The following INTS1 variants were observed in gnomAD, a reference collection of about 807,000 sequenced individuals.
INTS1 encodes integrator complex subunit 1.
Under a neutral mutation model 241.6 loss-of-function variants are expected in INTS1, and 137 were observed. The observed-to-expected ratio is 0.57, with a 90% CI of 0.49 to 0.65. The LOEUF (loss-of-function observed/expected upper bound fraction) is 0.65, where lower values mean the gene tolerates loss of function less well. INTS1 is among the 30% of genes least tolerant of loss of function. INTS1 has a pLI of 0.00. For missense variants in INTS1, 3,073 were observed against 3,032.2 expected, an observed-to-expected ratio of 1.01 and a Z score of -0.32; for synonymous variants, 1,692 against 1,337.8, an observed-to-expected ratio of 1.26 and a Z score of -5.78.
chr7:1,483,078 C>CA (rs1782072735), intron 26 of INTS1: 1 of 243,028 alleles, frequency 4.1e-6, no homozygotes, highest in African/African-American at 2.3e-5. Context: ...CACACAGGGC[C>CA]AGCTTCTCCG....
At position 1,500,249 on chromosome 7, in the gene INTS1, G is replaced by A; in HGVS notation, c.467C>T (p.Pro156Leu). The stretch of plus-strand genomic sequence containing the variant: ...GAGGCTCAGGTAGAGGGTGCTGTCA[G>A]GCTTGGCGCGGGTGACCTTCAGCTG... ...VKQLKVTRAKPDSTLYLSLMY... is the reference protein window; with the variant it reads ...VKQLKVTRAKLDSTLYLSLMY... The change falls in exon 4 of 48, where the codon CCT becomes CTT. Residue 156 changes from proline to leucine, a missense_variant. Coordinates refer to ENST00000404767, the MANE Select transcript of INTS1 (RefSeq NM_001080453.3). 6.2e-7 allele frequency: 1 copy of A among 1,604,540 alleles called. No individual in the cohort carries two copies. The highest frequency in any genetic ancestry group is 8.5e-7 in the Non-Finnish European group (1 of 1,175,268).
rs1782695319 is a variant in INTS1 at position 1,493,593 on chromosome 7, G to GA, written c.2068+160_2068+161insT. The stretch of plus-strand genomic sequence containing the variant: ...CACGCACGCTTCTGAATTCCCAACG[G>GA]CAGATGTGGAGAAGGCAGGTCCCCG... On this transcript the variant is annotated intron_variant, in intron 15 of 47. Coordinates refer to ENST00000404767, the MANE Select transcript of INTS1 (RefSeq NM_001080453.3). The surrounding 1 kb of genome is among the most constrained non-coding windows in gnomAD (Gnocchi z 5.3). Among the ~76,000 whole-genome samples the GA allele has an allele frequency of 7.1e-6, 1 of 141,208 alleles. No individual in the cohort carries two copies. The highest frequency in any genetic ancestry group is 2.4e-4 in the South Asian group (1 of 4,240). The allele number at this position is 141,208 out of a possible 152,430, so 92.6% of individuals were successfully genotyped here.
intron 26 of INTS1, chr7:1,483,003 T>A: frequency 2.6e-6 from 1 of 389,208 alleles, no homozygotes; most frequent in Non-Finnish European, 4.7e-6. Flanking sequence ...TTTGCTTGGC[T>A]GGACCAGGTC....
chr7:1,498,889 A>G (rs2128544150), intron 8 of INTS1, 37 bp from the exon 9 acceptor site: 1 of 1,563,450 alleles, frequency 6.4e-7, no homozygotes, highest in East Asian at 2.4e-5. Flanking sequence ...GCTCACGGCC[A>G]CCCCGGCAGG....
rs771965212 is a variant in INTS1, at chr7:1,478,426, C to T, written c.4570G>A (p.Val1524Ile). 7.0e-5 allele frequency: 113 copies of T among 1,612,512 alleles called. No homozygotes were observed. Among genetic ancestry groups the T allele is most frequent in the Non-Finnish European group, 9.1e-5 (107 of 1,179,812 alleles). ...TCCCCAGACCTCAGGGTGGCGATGA[C>T]GGCACGGACGGTGGAGCTGACCACC... is the stretch of plus-strand genomic sequence containing the variant. ...LEVVSSTVRA[V>I]IATLRSGEQC... is the part of the protein sequence containing the mutation. Residue 1524 changes from valine to isoleucine, a missense_variant, in exon 33 of 48, where the codon GTC (valine) becomes ATC (isoleucine). Val to Ile is a conservative substitution (Grantham distance 29). Coordinates refer to ENST00000404767, the MANE Select transcript of INTS1 (RefSeq NM_001080453.3).
chr7:1,489,242 G>A, intron 18 of INTS1, 102 bp downstream of exon 18: 1 of 242,012 alleles, frequency 4.1e-6, no homozygotes. Context: ...CTAAGATGCT[G>A]ATGCAGCACG....
chr7:1,486,707 T>C lies in INTS1; in HGVS notation c.2894A>G (p.Glu965Gly). ...GTCCAGCACCTCACACGTGGTCTGC[T>C]CATCAGCCTTCGGGCCCAGTAGCAG... ...QDLLLGPKAD[E>G]QTTCEVLDYF... The change falls in exon 22 of 48, where the codon GAG becomes GGG. Residue 965 changes from glutamate (E) to glycine (G), a missense_variant. Physicochemically the swap from Glu to Gly is moderately conservative, Grantham distance 98. Coordinates refer to ENST00000404767, the MANE Select transcript of INTS1 (RefSeq NM_001080453.3). The C allele has an allele frequency of 6.2e-7, 1 of 1,612,688 alleles. No individual in the cohort carries two copies. Among genetic ancestry groups the C allele is most frequent in the South Asian group, 1.1e-5 (1 of 91,072 alleles).
At chr7:1,473,316 G>T in intron 42 of INTS1, 132 bp from the exon 43 acceptor site, 1 of 705,802 alleles carries the variant, frequency 1.4e-6, no homozygotes. Flanking sequence ...CTCAGAGGGA[G>T]GGCCGGGCGG....
In INTS1 at chr7:1,493,917, G is replaced by C. The variant is rs771444731; in HGVS notation, c.1911-6C>G. ...AGCACAGACGCAGGAAGAAGCTGCG[G>C]GGTGGGGGAGGCATGACTCGGTGTG... On this transcript the variant is annotated splice_polypyrimidine_tract_variant and splice_region_variant and intron_variant, in intron 14 of 47. Coordinates refer to ENST00000404767, the MANE Select transcript of INTS1 (RefSeq NM_001080453.3). The surrounding 1 kb of genome is among the most constrained non-coding windows in gnomAD (Gnocchi z 5.3). 3 of 1,556,128 alleles carry C rather than the reference G, an allele frequency of 1.9e-6. No individual in the cohort carries two copies. Among genetic ancestry groups the C allele is most frequent in the African/African-American group, 2.7e-5 (2 of 73,468 alleles).
intron 43 of INTS1, 33 bp from the exon 44 acceptor site, chr7:1,472,419 G>C: frequency 6.9e-7 from 1 of 1,447,954 alleles, no homozygotes; most frequent in Non-Finnish European, 9.3e-7. Context: ...CAGGAGGGCG[G>C]GAGCGGCAGG....
Position 1,498,820 on chromosome 7 carries a change from G to C in INTS1, c.1170C>G (p.Ser390=). The C allele has an allele frequency of 6.2e-7, 1 of 1,606,030 alleles. No homozygotes were observed. The highest frequency in any genetic ancestry group is 8.5e-7 in the Non-Finnish European group (1 of 1,176,794). ...CGTGCGTGTTGCAGTTCATGCAGAC[G>C]GACATCAGCAGGTCCTGGGCCGGCC... ...LTRPAQDLLM[S]VCMNCNTHGS... is the part of the protein sequence containing the mutation. Residue 390 remains serine, a synonymous_variant, in exon 9 of 48, where the codon TCC becomes TCG. Coordinates refer to ENST00000404767, the MANE Select transcript of INTS1 (RefSeq NM_001080453.3).
At chr7:1,472,612 G>A (rs1023304373) in intron 43 of INTS1, among the ~76,000 whole-genome samples, 5 of 152,194 alleles carry the variant, frequency 3.3e-5, no homozygotes, top group Non-Finnish European at 7.4e-5. Flanking sequence ...CTCGCAATGT[G>A]GGCCAGGACC....
intron 36 of INTS1, 53 bp downstream of exon 36, chr7:1,476,741 C>G: frequency 1.2e-6 from 2 of 1,612,204 alleles, no homozygotes; most frequent in Admixed American, 1.7e-5. Context: ...TGGGAGATTT[C>G]TGGTGAAGGC....
chr7:1,491,125 G>A (rs183823584), intron 16 of INTS1, among the ~76,000 whole-genome samples: 3 of 152,352 alleles, frequency 2.0e-5, no homozygotes, highest in African/African-American at 7.2e-5. Flanking sequence ...TAACATTCCC[G>A]GGAGAAAACG....
chr7:1,500,067 A>C, intron 4 of INTS1, 46 bp from the exon 5 acceptor site: 1 of 1,591,478 alleles, frequency 6.3e-7, no homozygotes, highest in Non-Finnish European at 8.6e-7. Context: ...CTGGCCCCAG[A>C]GGCAAAGCTG....
chr7:1,485,354 C>G lies in INTS1; in HGVS notation c.3092G>C (p.Arg1031Pro). The change falls in exon 23 of 48, where the codon CGG (arginine) becomes CCG (proline). Residue 1031 changes from arginine to proline, a missense_variant. Transcript: ENST00000404767. Reference protein sequence around the residue: ...DVLQGYQWLLRDLPRLPLFDS... With the variant: ...DVLQGYQWLLPDLPRLPLFDS... ...GAACAGAGGCAGGCGAGGCAGGTCCCGCAGCAGCCACTGATAGCCCTGCAG... is the reference window on the plus strand; with the variant it reads ...GAACAGAGGCAGGCGAGGCAGGTCCGGCAGCAGCCACTGATAGCCCTGCAG... 6.2e-7 allele frequency: 1 copy of G among 1,611,984 alleles called. No individual in the cohort carries two copies. Among genetic ancestry groups the G allele is most frequent in the Non-Finnish European group, 8.5e-7 (1 of 1,179,772 alleles).
Position 1,485,271 on chromosome 7 carries a change from C to A in INTS1, c.3156+19G>T. 6.3e-7 allele frequency: 1 copy of A among 1,599,846 alleles called. No individual in the cohort carries two copies. The highest frequency in any genetic ancestry group is 1.1e-5 in the South Asian group (1 of 90,684). On this transcript the variant is annotated intron_variant, in intron 23 of 47. Transcript: ENST00000404767. ...GCCCTCTCATCTTTCCCTGCCGCGG[C>A]CCCGGTCAGCGCCCTCACCTGCTGC...
intron 23 of INTS1, 30 bp from the exon 24 acceptor site, chr7:1,485,232 A>T (rs775085617): frequency 3.8e-6 from 6 of 1,598,244 alleles, no homozygotes; most frequent in Non-Finnish European, 5.1e-6. Flanking sequence ...GAGCGGCAAC[A>T]GGGCAGGGCT....
chr7:1,473,228 G>A (rs760670137), intron 42 of INTS1, 44 bp from the exon 43 acceptor site: 4 of 1,436,406 alleles, frequency 2.8e-6, no homozygotes, highest in South Asian at 2.4e-5. Flanking sequence ...GACGCTGGCA[G>A]GAGGAAGGCT....
Sources: allele counts gnomAD v4.1 joint callset (sites outside exome capture counted in the v4.1 genomes callset), GRCh38; gene constraint gnomAD v4.1.1; non-coding constraint Gnocchi (gnomAD v3.1); transcripts MANE v1.5; gene names NCBI Gene and HGNC (gene_info 2026-07-23, HGNC 2026-07-21).